The following GLP1R variants were observed in gnomAD, a reference collection of about 807,000 sequenced individuals.
GLP1R encodes glucagon-like peptide 1 receptor.
Under a neutral mutation model 68.4 loss-of-function variants are expected in GLP1R, and 32 were observed. The ratio of observed to expected loss-of-function variants is 0.47; its 90% CI spans 0.35 to 0.63. The LOEUF is 0.63. Ranked by LOEUF, GLP1R falls within the 20% of genes least tolerant of loss-of-function variation. GLP1R has a pLI of 0.00. For synonymous variants in GLP1R, 263 were observed against 244.4 expected (o/e 1.08, Z -0.71); for missense variants, 502 against 594.9 (o/e 0.84, Z 1.62).
intron 5 of GLP1R, 58 bp downstream of exon 5, chr6:39,066,361 G>A: frequency 1.1e-6 from 1 of 899,708 alleles, no homozygotes; most frequent in Non-Finnish European, 1.8e-6. Context: ...CCAGATAGAG[G>A]AATGAAGCAG....
intron 7 of GLP1R, among the ~76,000 whole-genome samples, chr6:39,076,708 C>G (rs1768839269): frequency 6.6e-6 from 1 of 152,174 alleles, no homozygotes; most frequent in African/African-American, 2.4e-5. Flanking sequence ...TGTCTACATA[C>G]CTTAATATGC....
chr6:39,078,794 CA>C lies in GLP1R; in HGVS notation c.885-162del, dbSNP rs1489872666. ...TGTGTGTTGTGTGGCTGTGCACTGG[CA>C]GGGCTCTGTGGGTCCATGGGACTGG... is the stretch of plus-strand genomic sequence containing the variant. On this transcript the variant is annotated intron_variant, in intron 8 of 12. Transcript: ENST00000373256. 2.6e-5 allele frequency among the ~76,000 whole-genome samples: 4 copies of C among 152,154 alleles called. No individual in the cohort carries two copies. The East Asian group carries it at 7.7e-4, about 29-fold the overall frequency.
chr6:39,056,341 G>T, intron 1 of GLP1R, 56 bp from the exon 2 acceptor site: 1 of 876,120 alleles, frequency 1.1e-6, no homozygotes, highest in Non-Finnish European at 1.9e-6. Flanking sequence ...GGGGGTGAGG[G>T]GGCAGGAGAG....
rs1768021603 is a variant in GLP1R, at chr6:39,048,847, G to C, written c.7G>C (p.Gly3Arg). The C allele has an allele frequency of 2.0e-6, 3 of 1,476,164 alleles. No individual in the cohort carries two copies. Among genetic ancestry groups the C allele is most frequent in the Non-Finnish European group, 2.7e-6 (3 of 1,106,970 alleles). 91.4% of individuals were successfully genotyped at this position (1,476,164 alleles called of 1,614,324 possible). MA[G>R]APGPLRLALL... ...CAGTCCTGAACTCCCCGCCATGGCCGGCGCCCCCGGCCCGCTGCGCCTTGC... is the reference window on the plus strand; with the variant it reads ...CAGTCCTGAACTCCCCGCCATGGCCCGCGCCCCCGGCCCGCTGCGCCTTGC... Residue 3 changes from glycine to arginine, a missense_variant, in exon 1 of 13, where the codon GGC becomes CGC. By Grantham distance (125) the Gly-to-Arg change is moderately radical (BLOSUM62 -2). Transcript: ENST00000373256.
intron 3 of GLP1R, among the ~76,000 whole-genome samples, chr6:39,059,391 G>T (rs917187889): frequency 6.6e-6 from 1 of 151,984 alleles, no homozygotes; most frequent in Admixed American, 6.6e-5. Context: ...CTTCCTTGGG[G>T]GTGTGTGTGT....
chr6:39,068,467 C>T (rs1288001872), intron 5 of GLP1R, among the ~76,000 whole-genome samples: 1 of 152,208 alleles, frequency 6.6e-6, no homozygotes, highest in African/African-American at 2.4e-5. Context: ...ACACCTGTGC[C>T]TTAACTACTA....
rs1033999602 is a variant in GLP1R at position 39,088,475 on chromosome 6, G to A, written c.*2402G>A. 1.3e-5 allele frequency among the ~76,000 whole-genome samples: 2 copies of A among 152,090 alleles called. No individual in the cohort carries two copies. Among genetic ancestry groups the A allele is most frequent in the African/African-American group, 2.4e-5 (1 of 41,400 alleles). On this transcript the variant is annotated 3_prime_UTR_variant, in exon 13 of 13. Transcript: ENST00000373256. Reference sequence around the variant, plus strand: ...CGCCTGGAACTTGCTGAGAACTCTCGGCTGCCTCTGTCCTGGGGTACTATT... The same window carrying A: ...CGCCTGGAACTTGCTGAGAACTCTCAGCTGCCTCTGTCCTGGGGTACTATT...
At chr6:39,071,345 C>CAA (rs35740935) in intron 5 of GLP1R, among the ~76,000 whole-genome samples, 139 of 85,782 alleles carry the variant, frequency 1.6e-3, no homozygotes, top group Middle Eastern at 6.0e-3. Flanking sequence ...GATTCCATCT[C>CAA]AAAAAAAAAA....
chr6:39,070,704 A>T (rs1768637701), intron 5 of GLP1R, among the ~76,000 whole-genome samples: 1 of 152,164 alleles, frequency 6.6e-6, no homozygotes, highest in Non-Finnish European at 1.5e-5. Context: ...TCCCAAAGAG[A>T]TCAAGCATTT....
At chr6:39,066,426 C>T (rs1768520520) in intron 5 of GLP1R, 123 bp downstream of exon 5, 1 of 613,370 alleles carries the variant, frequency 1.6e-6, no homozygotes, top group Middle Eastern at 2.5e-4. Context: ...CTCAAGAGCT[C>T]TCTACAGAGC....
rs1267893055 is a variant in GLP1R at position 39,086,978 on chromosome 6, T to G, written c.*905T>G. 6.6e-6 allele frequency: 1 copy of G among 152,372 alleles called. No homozygotes were observed. The highest frequency in any genetic ancestry group is 1.5e-5 in the Non-Finnish European group (1 of 68,068). 9.4% of individuals were successfully genotyped at this position (152,372 alleles called of 1,614,324 possible). A position where few individuals can be genotyped will look rare whatever the true frequency, so the allele number is the denominator to read the frequency against. ...GAGCCCAGAGGGCCAAGAGAGACAT[T>G]GCCTCCACCTCTCCTTGGAAATACT... is the stretch of plus-strand genomic sequence containing the variant. On this transcript the variant is annotated 3_prime_UTR_variant, in exon 13 of 13. Coordinates refer to ENST00000373256, the MANE Select transcript of GLP1R (RefSeq NM_002062.5). The surrounding 1 kb of genome is among the most constrained non-coding windows in gnomAD (Gnocchi z 4.5).
chr6:39,069,859 C>G (rs1347232601), intron 5 of GLP1R, among the ~76,000 whole-genome samples: 1 of 152,078 alleles, frequency 6.6e-6, no homozygotes, highest in Non-Finnish European at 1.5e-5. Context: ...AACAAAATAC[C>G]TTAGACTGGG....
chr6:39,068,388 T>C (rs1459730118), intron 5 of GLP1R, among the ~76,000 whole-genome samples: 2 of 151,046 alleles, frequency 1.3e-5, no homozygotes, highest in Non-Finnish European at 3.0e-5. Flanking sequence ...TCTGGGGTCT[T>C]GGAGGAGAAT....
intron 5 of GLP1R, among the ~76,000 whole-genome samples, chr6:39,068,060 A>C (rs7766275): frequency 0.45 from 68,973 of 151,984 alleles, 16,319 homozygotes; most frequent in Non-Finnish European, 0.51. Context: ...GACCGATGTA[A>C]GAGACCATTA....
intron 12 of GLP1R, among the ~76,000 whole-genome samples, chr6:39,084,899 G>A (rs938515268): frequency 1.3e-5 from 2 of 152,196 alleles, no homozygotes; most frequent in African/African-American, 4.8e-5. Flanking sequence ...CTTATCCACA[G>A]CCGCTGGCAT....
At chr6:39,072,593 T>C (rs1046700854) in intron 5 of GLP1R, among the ~76,000 whole-genome samples, 1 of 152,154 alleles carries the variant, frequency 6.6e-6, no homozygotes, top group African/African-American at 2.4e-5. Flanking sequence ...AGACTTTGTG[T>C]CAAAGAAGAT....
Position 39,049,687 on chromosome 6 carries a change from G to A in GLP1R, c.78+769G>A, listed in dbSNP as rs1231978145. ...AGAGAAGGCATACTGGGACACGCAA[G>A]AACACCTGGGCTCCTTGGTGCCACC... On this transcript the variant is annotated intron_variant, in intron 1 of 12. Coordinates refer to ENST00000373256, the MANE Select transcript of GLP1R (RefSeq NM_002062.5). The surrounding 1 kb of genome is among the most constrained non-coding windows in gnomAD (Gnocchi z 4.5). Among the ~76,000 whole-genome samples the A allele has an allele frequency of 1.3e-5, 2 of 152,164 alleles. No homozygotes were observed. The highest frequency in any genetic ancestry group is 4.8e-5 in the African/African-American group (2 of 41,446).
In GLP1R at chr6:39,057,640, AC is replaced by A. The variant is rs1173900194; in HGVS notation, c.283+63del. ...CCAGCAGTGGTGAACCCCCTCCCCG[AC>A]CTGGTATCTGCCCTGGGCCAGCAGT... On this transcript the variant is annotated intron_variant, in intron 3 of 12. Coordinates refer to ENST00000373256, the MANE Select transcript of GLP1R (RefSeq NM_002062.5). 7.1e-6 allele frequency: 6 copies of A among 843,694 alleles called. No homozygotes were observed. In the East Asian group the frequency reaches 1.7e-4, roughly 25 times the overall value. 52.3% of individuals were successfully genotyped at this position (843,694 alleles called of 1,614,324 possible).
Position 39,079,686 on chromosome 6 carries a change from C to G in GLP1R, c.1166C>G (p.Ser389Cys). 1 of 1,612,856 alleles carries G rather than the reference C, an allele frequency of 6.2e-7. No homozygotes were observed. The highest frequency in any genetic ancestry group is 8.5e-7 in the Non-Finnish European group (1 of 1,179,376). ...TTCATCAAGCTGTTTACAGAGCTCT[C>G]CTTCACCTCCTTCCAGGTGACTTCA... Reference protein sequence around the residue: ...LRFIKLFTELSFTSFQGLMVA... With the variant: ...LRFIKLFTELCFTSFQGLMVA... Residue 389 changes from serine (S) to cysteine (C), a missense_variant, in exon 11 of 13, where the codon TCC (serine) becomes TGC (cysteine). Physicochemically the swap from Ser to Cys is moderately radical, Grantham distance 112. Transcript: ENST00000373256. This position sits in a 1 kb window ranked among gnomAD's most constrained non-coding sequence, Gnocchi z 4.5.
Sources: allele counts gnomAD v4.1 joint callset (sites outside exome capture counted in the v4.1 genomes callset), GRCh38; gene constraint gnomAD v4.1.1; non-coding constraint Gnocchi (gnomAD v3.1); transcripts MANE v1.5; gene names NCBI Gene and HGNC (gene_info 2026-07-23, HGNC 2026-07-21).